Variants in CNBD1 observed in about 807,000 individuals in gnomAD.
The protein encoded by CNBD1 is cyclic nucleotide binding domain containing 1.
CNBD1 carries 71 observed loss-of-function variants against 54.4 expected under a neutral mutation model. The observed-to-expected ratio is 1.30, with a 90% confidence interval of 1.08 to 1.59. The LOEUF is 1.59. Ranked by LOEUF, CNBD1 falls within the 40% of genes most tolerant of loss-of-function variation. The pLI is 0.00. For synonymous variants in CNBD1, 182 were observed against 170.7 expected (o/e 1.07, Z -0.51); for missense variants, 659 against 518.0 (o/e 1.27, Z -2.64).
chr8:87,220,774 A>G (rs1487793141), intron 5 of CNBD1, among the ~76,000 whole-genome samples: 1 of 152,028 alleles, frequency 6.6e-6, no homozygotes, highest in Non-Finnish European at 1.5e-5. Context: ...ATATACTTAC[A>G]GTAACTTTTA....
intron 8 of CNBD1, among the ~76,000 whole-genome samples, chr8:87,344,206 T>G (rs975278190): frequency 2.6e-5 from 4 of 152,216 alleles, no homozygotes; most frequent in Non-Finnish European, 5.9e-5. Context: ...GAACTAGTTA[T>G]TAATGAAATA....
intron 5 of CNBD1, among the ~76,000 whole-genome samples, chr8:87,223,660 G>T (rs549693098): frequency 3.5e-4 from 53 of 152,048 alleles, no homozygotes; most frequent in Non-Finnish European, 6.3e-4. Flanking sequence ...ATTTGGGTTG[G>T]TTCCAAGTCT....
intron 4 of CNBD1, among the ~76,000 whole-genome samples, chr8:87,003,149 A>C (rs897654909): frequency 6.6e-6 from 1 of 152,166 alleles, no homozygotes; most frequent in Admixed American, 6.5e-5. Flanking sequence ...GATCTGAAAA[A>C]CAATATTAAA....
intron 4 of CNBD1, among the ~76,000 whole-genome samples, chr8:87,047,847 C>T (rs1357552181): frequency 6.6e-6 from 1 of 152,140 alleles, no homozygotes; most frequent in Non-Finnish European, 1.5e-5. Flanking sequence ...TACCTGACAG[C>T]AGATCTCAAA....
chr8:87,351,279 A>C (rs75955916), intron 8 of CNBD1, among the ~76,000 whole-genome samples: 3,680 of 152,284 alleles, frequency 0.024, 153 homozygotes, highest in African/African-American at 0.081. Flanking sequence ...TGGAAAGTGA[A>C]TTTTCAAATA....
At chr8:87,131,685 A>T (rs1439929128) in intron 4 of CNBD1, among the ~76,000 whole-genome samples, 2 of 151,848 alleles carry the variant, frequency 1.3e-5, no homozygotes, top group African/African-American at 2.4e-5. Context: ...TGATCCATAG[A>T]TTTTTTTGTT....
At chr8:87,014,890 C>T (rs1809320686) in intron 4 of CNBD1, among the ~76,000 whole-genome samples, 1 of 151,044 alleles carries the variant, frequency 6.6e-6, no homozygotes, top group Non-Finnish European at 1.5e-5. Flanking sequence ...TTATTTTATA[C>T]AAAAAAGAAT....
At chr8:87,280,123 A>G (rs1178842008) in intron 6 of CNBD1, among the ~76,000 whole-genome samples, 1 of 151,596 alleles carries the variant, frequency 6.6e-6, no homozygotes, top group South Asian at 2.1e-4. Context: ...ACATTCAGTT[A>G]GTTCCAACTT....
intron 8 of CNBD1, among the ~76,000 whole-genome samples, chr8:87,316,636 A>G (rs1410063752): frequency 6.6e-6 from 1 of 151,864 alleles, no homozygotes; most frequent in Non-Finnish European, 1.5e-5. Flanking sequence ...TTTTTGCAAT[A>G]GGAAACAAGT....
At chr8:86,867,618 C>G (rs989146086) in intron 1 of CNBD1, among the ~76,000 whole-genome samples, 1 of 152,088 alleles carries the variant, frequency 6.6e-6, no homozygotes, top group Non-Finnish European at 1.5e-5. Context: ...AATAATCTTG[C>G]ATCTGGTCAA....
At chr8:87,247,683 C>A (rs1165090981) in intron 6 of CNBD1, among the ~76,000 whole-genome samples, 1 of 152,122 alleles carries the variant, frequency 6.6e-6, no homozygotes, top group Non-Finnish European at 1.5e-5. Context: ...GGCCAGTGAT[C>A]TACCTTTAGA....
chr8:87,054,530 C>A (rs916685650), intron 4 of CNBD1, among the ~76,000 whole-genome samples: 2 of 152,256 alleles, frequency 1.3e-5, no homozygotes, highest in African/African-American at 4.8e-5. Flanking sequence ...TACTAAGGCC[C>A]CAGCTGACTT....
At chr8:87,348,807 A>G (rs908241209) in intron 8 of CNBD1, among the ~76,000 whole-genome samples, 1 of 152,200 alleles carries the variant, frequency 6.6e-6, no homozygotes, top group Non-Finnish European at 1.5e-5. Flanking sequence ...GGCTTAATTT[A>G]GAATTAGAAT....
intron 4 of CNBD1, among the ~76,000 whole-genome samples, chr8:87,104,753 T>C (rs1811498667): frequency 6.6e-6 from 1 of 152,242 alleles, no homozygotes; most frequent in Non-Finnish European, 1.5e-5. Context: ...TTATATGACT[T>C]TTCATTTATC....
chr8:87,276,683 G>T (rs1808487347), intron 6 of CNBD1, among the ~76,000 whole-genome samples: 1 of 151,838 alleles, frequency 6.6e-6, no homozygotes, highest in Non-Finnish European at 1.5e-5. Context: ...ATTAATAACA[G>T]TTTGAAGGTT....
rs1391831019 is a variant in CNBD1, at chr8:86,947,929, G to A, written c.431+8175G>A. On this transcript the variant is annotated intron_variant, in intron 4 of 10. Coordinates refer to ENST00000518476, the MANE Select transcript of CNBD1 (RefSeq NM_173538.3). ...CACCCTGCTACCCTTCCCAGACTCTGGTAACCATACTTCTACACTCTATGT... is the reference window on the plus strand; with the variant it reads ...CACCCTGCTACCCTTCCCAGACTCTAGTAACCATACTTCTACACTCTATGT... 3.9e-5 allele frequency among the ~76,000 whole-genome samples: 6 copies of A among 152,018 alleles called. No individual in the cohort carries two copies. In the East Asian group the frequency reaches 1.2e-3, roughly 29 times the overall value.
Position 87,182,370 on chromosome 8 carries a change from T to C in CNBD1, c.432-23623T>C, listed in dbSNP as rs544245795. ...TGTGATAGACATATGTGTGCATGTC[T>C]TTATGGTAGAATTATTTATATTCCT... On this transcript the variant is annotated intron_variant, in intron 4 of 10. Coordinates refer to ENST00000518476, the MANE Select transcript of CNBD1 (RefSeq NM_173538.3). This position sits in a 1 kb window ranked among gnomAD's most constrained non-coding sequence, Gnocchi z 4.1. Among the ~76,000 whole-genome samples the C allele has an allele frequency of 6.6e-6, 1 of 152,328 alleles. No homozygotes were observed. The highest frequency in any genetic ancestry group is 1.5e-5 in the Non-Finnish European group (1 of 68,024).
In CNBD1 at chr8:87,090,939, G is replaced by A. The variant is rs939696951; in HGVS notation, c.432-115054G>A. Among the ~76,000 whole-genome samples the A allele has an allele frequency of 5.9e-5, 9 of 151,994 alleles. No individual in the cohort carries two copies. In the East Asian group the frequency reaches 7.7e-4, roughly 13 times the overall value. The stretch of plus-strand genomic sequence containing the variant: ...GTGGATCACCTGAGGTCAAGAGTTC[G>A]AGACAAGCCTGGCCAACATGTGAAA... On this transcript the variant is annotated intron_variant, in intron 4 of 10. Coordinates refer to ENST00000518476, the MANE Select transcript of CNBD1 (RefSeq NM_173538.3).
In CNBD1 at chr8:87,027,731, T is replaced by G. The variant is rs529859716; in HGVS notation, c.431+87977T>G. Among the ~76,000 whole-genome samples the G allele has an allele frequency of 2.6e-5, 4 of 152,346 alleles. No homozygotes were observed. In the South Asian group the frequency reaches 6.2e-4, roughly 24 times the overall value. Reference sequence around the variant, plus strand: ...TAAATACACGGGACTCCGTCCCACTTTCTCATTCAACAGCAATCTCCAGAT... The same window carrying G: ...TAAATACACGGGACTCCGTCCCACTGTCTCATTCAACAGCAATCTCCAGAT... On this transcript the variant is annotated intron_variant, in intron 4 of 10. Transcript: ENST00000518476.
Sources: gnomAD v4.1 joint callset for allele counts (sites outside exome capture counted in the v4.1 genomes callset) on GRCh38, gnomAD v4.1.1 for gene constraint, Gnocchi (gnomAD v3.1) non-coding constraint, MANE v1.5 for transcripts, NCBI Gene and HGNC (gene_info 2026-07-23, HGNC 2026-07-21) for gene names.